The following CACNA2D3 variants were observed in gnomAD, a reference collection of about 807,000 sequenced individuals.
CACNA2D3 encodes calcium voltage-gated channel auxiliary subunit alpha2delta 3, also known as voltage-dependent calcium channel subunit alpha-2/delta-3.
A neutral mutation model predicts 160.6 loss-of-function variants in CACNA2D3; 60 were observed. That is an observed-to-expected ratio of 0.37 (90% CI 0.30 to 0.46). The LOEUF (loss-of-function observed/expected upper bound fraction) is 0.46. CACNA2D3 is among the 20% of genes least tolerant of loss of function. The pLI, the probability that CACNA2D3 is intolerant of heterozygous loss-of-function variation, is 1.00. For synonymous variants in CACNA2D3, 558 were observed against 492.9 expected (o/e 1.13, Z -1.75); for missense variants, 1,205 against 1,365.0 (o/e 0.88, Z 1.85).
chr3:54,565,421 G>GTGA (rs1001036425), intron 6 of CACNA2D3, among the ~76,000 whole-genome samples: 8 of 152,060 alleles, frequency 5.3e-5, no homozygotes, highest in Non-Finnish European at 7.3e-5. Context: ...AAGCCTTGGC[G>GTGA]TGATGATGAT....
At chr3:54,966,399 T>C (rs67676044) in intron 27 of CACNA2D3, among the ~76,000 whole-genome samples, 64,486 of 152,148 alleles carry the variant, frequency 0.42, 14,672 homozygotes, top group East Asian at 0.57. Context: ...TCTCCAATGC[T>C]GGGAAGAACA....
Position 54,630,339 on chromosome 3 carries a change from C to CT in CACNA2D3, c.1053+2464dup, listed in dbSNP as rs1699208483. Among the ~76,000 whole-genome samples, 3 of 152,256 alleles carry CT rather than the reference C, an allele frequency of 2.0e-5. No homozygotes were observed. In the South Asian group the frequency reaches 6.2e-4, roughly 32 times the overall value. On this transcript the variant is annotated intron_variant, in intron 10 of 37. Transcript: ENST00000474759. ...CTTCCTCTATTTTCTGTTCCTTTCC[C>CT]TGGTACCCTTTCTCTGTCCATCCCT...
At chr3:54,714,541 T>G (rs1368727918) in intron 11 of CACNA2D3, among the ~76,000 whole-genome samples, 1 of 152,178 alleles carries the variant, frequency 6.6e-6, no homozygotes, top group African/African-American at 2.4e-5. Context: ...TGGCCGTGCT[T>G]GGAAAGTGGA....
chr3:54,302,060 C>G (rs1258361361), intron 2 of CACNA2D3, among the ~76,000 whole-genome samples: 1 of 152,190 alleles, frequency 6.6e-6, no homozygotes, highest in Non-Finnish European at 1.5e-5. Context: ...GATTCCTGAT[C>G]TAGCATCTGT....
intron 14 of CACNA2D3, among the ~76,000 whole-genome samples, chr3:54,831,189 C>A (rs1217854868): frequency 6.6e-6 from 1 of 152,198 alleles, no homozygotes; most frequent in Non-Finnish European, 1.5e-5. Flanking sequence ...GCACAACCTT[C>A]CCTTTAAGCC....
At chr3:54,956,385 G>T (rs745811587) in intron 27 of CACNA2D3, among the ~76,000 whole-genome samples, 1 of 152,218 alleles carries the variant, frequency 6.6e-6, no homozygotes, top group Admixed American at 6.5e-5. Flanking sequence ...GGACAATTTT[G>T]CTGTGTCAGG....
At chr3:54,626,481 G>A (rs2106814491) in intron 9 of CACNA2D3, 2 of 1,606,454 alleles carry the variant, frequency 1.2e-6, no homozygotes, top group Admixed American at 3.4e-5. Context: ...CCGAGATGGT[G>A]GGCAGCATGG....
chr3:54,622,421 G>A (rs899095161), intron 9 of CACNA2D3, among the ~76,000 whole-genome samples: 14 of 152,154 alleles, frequency 9.2e-5, no homozygotes, highest in Middle Eastern at 3.4e-3. Context: ...GACTACAGGC[G>A]CCCGCCACCA....
At chr3:54,162,914 T>C (rs1304029562) in intron 2 of CACNA2D3, among the ~76,000 whole-genome samples, 3 of 152,058 alleles carry the variant, frequency 2.0e-5, no homozygotes, top group Non-Finnish European at 4.4e-5. Context: ...GAACAATAAA[T>C]AGGGTAAGGG....
At position 54,499,753 on chromosome 3, in the gene CACNA2D3, G is replaced by A. The variant is rs149498996; in HGVS notation, c.382-3739G>A. 4.0e-3 allele frequency among the ~76,000 whole-genome samples: 614 copies of A among 152,146 alleles called. 4 individuals are homozygous for A. The highest frequency in any genetic ancestry group is 0.014 in the African/African-American group (576 of 41,526). ...TCATTGTGGTCTGAGAGCAGACACC[G>A]TATGATTTCCATTCTTTTAAGTTTG... On this transcript the variant is annotated intron_variant, in intron 4 of 37. Coordinates refer to ENST00000474759, the MANE Select transcript of CACNA2D3 (RefSeq NM_018398.3).
At chr3:54,404,332 C>T (rs1297441915) in intron 4 of CACNA2D3, among the ~76,000 whole-genome samples, 2 of 152,076 alleles carry the variant, frequency 1.3e-5, no homozygotes, top group Non-Finnish European at 2.9e-5. Context: ...CCATGTAAGA[C>T]TAGCATATAC....
At chr3:54,189,466 C>G (rs1444914423) in intron 2 of CACNA2D3, among the ~76,000 whole-genome samples, 2 of 152,178 alleles carry the variant, frequency 1.3e-5, no homozygotes, top group Non-Finnish European at 2.9e-5. Flanking sequence ...GCTCTCCAGA[C>G]AAGTTTATTC....
intron 35 of CACNA2D3, among the ~76,000 whole-genome samples, chr3:55,038,009 TCAC>T (rs1382830265): frequency 6.6e-6 from 1 of 152,184 alleles, no homozygotes; most frequent in Non-Finnish European, 1.5e-5. Flanking sequence ...TCCTGAGAAG[TCAC>T]TGTATTTTCC....
intron 4 of CACNA2D3, among the ~76,000 whole-genome samples, chr3:54,454,613 A>G (rs1278697051): frequency 6.6e-6 from 1 of 152,130 alleles, no homozygotes; most frequent in African/African-American, 2.4e-5. Flanking sequence ...GAAATGTTCA[A>G]AATCCTCTCT....
intron 2 of CACNA2D3, among the ~76,000 whole-genome samples, chr3:54,262,992 C>G (rs1702433029): frequency 6.6e-6 from 1 of 152,126 alleles, no homozygotes; most frequent in African/African-American, 2.4e-5. Context: ...CCCTCCACCC[C>G]AGGTAGTCAC....
chr3:54,465,472 A>G (rs1188308685), intron 4 of CACNA2D3, among the ~76,000 whole-genome samples: 2 of 152,150 alleles, frequency 1.3e-5, no homozygotes, highest in Admixed American at 1.3e-4. Flanking sequence ...TGTAGGAAAA[A>G]ACATAGTGTA....
chr3:54,947,398 G>A (rs934191295), intron 27 of CACNA2D3, among the ~76,000 whole-genome samples: 1 of 152,306 alleles, frequency 6.6e-6, no homozygotes, highest in Admixed American at 6.5e-5. Context: ...TTGCTGAGCA[G>A]GGAGAAAGAA....
chr3:54,206,812 G>C (rs1701284597), intron 2 of CACNA2D3, among the ~76,000 whole-genome samples: 1 of 152,102 alleles, frequency 6.6e-6, no homozygotes, highest in South Asian at 2.1e-4. Context: ...AATTAGTCAG[G>C]GTAACTAACT....
intron 2 of CACNA2D3, among the ~76,000 whole-genome samples, chr3:54,132,819 A>G (rs1007624239): frequency 5.9e-5 from 9 of 152,176 alleles, no homozygotes; most frequent in Admixed American, 2.0e-4. Flanking sequence ...GCTACTGCTG[A>G]CTGGTCATAT....
Sources: allele counts gnomAD v4.1 joint callset (sites outside exome capture counted in the v4.1 genomes callset), GRCh38; gene constraint gnomAD v4.1.1; transcripts MANE v1.5; gene names NCBI Gene and HGNC (gene_info 2026-07-23, HGNC 2026-07-21).